The following ANKMY1 variants were observed in gnomAD, a reference collection of about 807,000 sequenced individuals.
ANKMY1 encodes ankyrin repeat and MYND domain containing 1.
ANKMY1 carries 98 observed loss-of-function variants against 102.0 expected under a neutral mutation model. The ratio of observed to expected loss-of-function variants is 0.96; its 90% CI spans 0.82 to 1.14. ANKMY1 has a LOEUF of 1.14. ANKMY1 is among the 50% of genes most tolerant of loss of function. The pLI is 0.00. For synonymous variants in ANKMY1, 582 were observed against 559.9 expected (o/e 1.04, Z -0.56); for missense variants, 1,330 against 1,347.6 (o/e 0.99, Z 0.20).
At chr2:240,469,798 A>G in the ANKMY1 span, among the ~76,000 whole-genome samples, 1 of 151,954 alleles carries the variant, frequency 6.6e-6, no homozygotes. Flanking sequence ...ACATGTGCAC[A>G]CTCCTACACA....
the ANKMY1 span, among the ~76,000 whole-genome samples, chr2:240,469,300 C>T: frequency 1.0e-3 from 158 of 152,326 alleles, no homozygotes; most frequent in African/African-American, 3.7e-3. Context: ...GGCAGGGGCA[C>T]CCGGCTGGTC....
At chr2:240,473,353 G>T in the ANKMY1 span, among the ~76,000 whole-genome samples, 1 of 150,450 alleles carries the variant, frequency 6.6e-6, no homozygotes, top group African/African-American at 2.4e-5. Context: ...CCAAATAGAA[G>T]TCCTAGAGCT....
chr2:240,498,469 A>G (rs79108857), intron 15 of ANKMY1, among the ~76,000 whole-genome samples: 309 of 92,906 alleles, frequency 3.3e-3, no homozygotes, highest in African/African-American at 5.5e-3. Flanking sequence ...AGGTGTGCAG[A>G]CAGCTGTGGG....
At chr2:240,539,214 T>C (rs985966849) in intron 4 of ANKMY1, among the ~76,000 whole-genome samples, 4 of 152,124 alleles carry the variant, frequency 2.6e-5, no homozygotes, top group African/African-American at 9.7e-5. Flanking sequence ...TTATGAGCTG[T>C]TAACACTCAC....
rs776913939 is a variant in ANKMY1 at position 240,511,999 on chromosome 2, C to T, written c.2148G>A (p.Leu716=). 1 of 1,547,200 alleles carries T rather than the reference C, an allele frequency of 6.5e-7. No individual in the cohort carries two copies. Among genetic ancestry groups the T allele is most frequent in the Non-Finnish European group, 8.6e-7 (1 of 1,157,382 alleles). Residue 716 remains leucine, a splice_region_variant and synonymous_variant, in exon 11 of 18, where the codon CTG becomes CTA. Coordinates refer to ENST00000401804, the MANE Select transcript of ANKMY1 (RefSeq NM_001282771.3). ...GCTTCAGACTTGAGGGCAGCAGGTC[C>T]AGCTGTGTAAAACGGAGGGCTCCGC... ...DEDDTYKPGK[L]DLLPSSLKLS... is the part of the protein sequence containing the mutation.
chr2:240,545,451 G>A (rs547792838), intron 4 of ANKMY1, among the ~76,000 whole-genome samples: 60 of 152,340 alleles, frequency 3.9e-4, no homozygotes, highest in South Asian at 3.1e-3. Flanking sequence ...AAAGCAGAGC[G>A]CCTCTCCTCC....
chr2:240,533,648 G>A (rs2085980640), intron 4 of ANKMY1, among the ~76,000 whole-genome samples: 1 of 151,678 alleles, frequency 6.6e-6, no homozygotes, highest in Non-Finnish European at 1.5e-5. Flanking sequence ...GACATGCATG[G>A]CTAGTGGCCA....
At chr2:240,497,403 G>A (rs185517628) in intron 15 of ANKMY1, among the ~76,000 whole-genome samples, 1 of 152,366 alleles carries the variant, frequency 6.6e-6, no homozygotes, top group Non-Finnish European at 1.5e-5. Flanking sequence ...GTTCTTGGCT[G>A]TACTGGTCTG....
chr2:240,510,130 C>A (rs1204545588), intron 11 of ANKMY1, among the ~76,000 whole-genome samples: 1 of 141,272 alleles, frequency 7.1e-6, no homozygotes, highest in Non-Finnish European at 1.6e-5. Context: ...CCATCCTTGC[C>A]CTCCCTGCCC....
At chr2:240,482,028 G>A (rs999255930) in intron 16 of ANKMY1, among the ~76,000 whole-genome samples, 155 bp downstream of exon 16, 1 of 152,148 alleles carries the variant, frequency 6.6e-6, no homozygotes, top group African/African-American at 2.4e-5. Flanking sequence ...GAAGCCCACA[G>A]CCTGCAAGCA....
Position 240,500,029 on chromosome 2 carries a change from A to T in ANKMY1, c.2735T>A (p.Leu912Ter). 1 of 1,613,106 alleles carries T rather than the reference A, an allele frequency of 6.2e-7. No individual in the cohort carries two copies. The highest frequency in any genetic ancestry group is 8.5e-7 in the Non-Finnish European group (1 of 1,179,828). Reference sequence around the variant, plus strand: ...GGCAAAGACAGCCTGCCGTAGCTGCAAGCCCATGTACTCCAGGAGCCGCTT... The same window carrying T: ...GGCAAAGACAGCCTGCCGTAGCTGCTAGCCCATGTACTCCAGGAGCCGCTT... ...ARKRLLEYMGLQLRQAVFAKE... is the reference protein window; with the variant it reads ...ARKRLLEYMG The change falls in exon 15 of 18, where the codon TTG (leucine) becomes TAG (stop). Residue 912 changes from leucine (L) to a stop codon, truncating the protein, a stop_gained. Coordinates refer to ENST00000401804, the MANE Select transcript of ANKMY1 (RefSeq NM_001282771.3). LOFTEE classifies it high-confidence loss of function.
At chr2:240,533,582 G>A (rs577376686) in intron 4 of ANKMY1, among the ~76,000 whole-genome samples, 5 of 152,122 alleles carry the variant, frequency 3.3e-5, no homozygotes, top group African/African-American at 1.2e-4. Flanking sequence ...TCTGGTGTGT[G>A]GTTCACATTC....
chr2:240,501,897 G>A (rs867042039), intron 13 of ANKMY1, among the ~76,000 whole-genome samples: 3 of 152,200 alleles, frequency 2.0e-5, no homozygotes, highest in Non-Finnish European at 4.4e-5. Context: ...TGAGGATGGA[G>A]CCAGCCAGAT....
chr2:240,474,648 T>C (rs2074739085), downstream of ANKMY1, among the ~76,000 whole-genome samples: 2 of 152,236 alleles, frequency 1.3e-5, no homozygotes, highest in South Asian at 4.1e-4. Context: ...TAGATCCTAC[T>C]TAATATAAGT....
chr2:240,480,878 T>C, intron 17 of ANKMY1, 59 bp downstream of exon 17: 2 of 1,568,112 alleles, frequency 1.3e-6, no homozygotes, highest in South Asian at 2.3e-5. Flanking sequence ...ACCCCAGGCC[T>C]GCGCCTTCGC....
chr2:240,541,793 C>T (rs934631697), intron 4 of ANKMY1, among the ~76,000 whole-genome samples: 1 of 152,078 alleles, frequency 6.6e-6, no homozygotes, highest in African/African-American at 2.4e-5. Flanking sequence ...TGAGCCACCA[C>T]GCTGGGCGTA....
At chr2:240,521,167 C>A (rs1272097094) in intron 8 of ANKMY1, among the ~76,000 whole-genome samples, 2 of 152,104 alleles carry the variant, frequency 1.3e-5, no homozygotes, top group Non-Finnish European at 2.9e-5. Flanking sequence ...CAGATGGCAG[C>A]GGGAATGACC....
rs538615849 is a variant in ANKMY1, at chr2:240,526,249, T to C, written c.1150A>G (p.Thr384Ala). The change falls in exon 6 of 18, where the codon ACT (threonine) becomes GCT (alanine). Residue 384 changes from threonine to alanine, a missense_variant. By Grantham distance (58) the Thr-to-Ala change is moderately conservative. Coordinates refer to ENST00000401804, the MANE Select transcript of ANKMY1 (RefSeq NM_001282771.3). ...SADVADAKGY[T>A]VLAAAATHCH... ...CTTACAGCAGCCGCAGCAAGCACAG[T>C]GTAGCCCTTTGCGTCCGCCACGTCA... 2.5e-6 allele frequency: 4 copies of C among 1,614,092 alleles called. No homozygotes were observed. Among genetic ancestry groups the C allele is most frequent in the African/African-American group, 1.3e-5 (1 of 75,062 alleles).
chr2:240,546,066 A>C (rs1237562279), intron 4 of ANKMY1, among the ~76,000 whole-genome samples: 1 of 152,096 alleles, frequency 6.6e-6, no homozygotes, highest in Non-Finnish European at 1.5e-5. Flanking sequence ...TGTCAGATTC[A>C]CCAAAGTTGA....
Sources: allele counts gnomAD v4.1 joint callset (sites outside exome capture counted in the v4.1 genomes callset), GRCh38; gene constraint gnomAD v4.1.1; transcripts MANE v1.5; gene names NCBI Gene and HGNC (gene_info 2026-07-23, HGNC 2026-07-21).